ZNF469: variants seen among roughly 807,000 people sequenced by gnomAD.
ZNF469 encodes zinc finger protein 469.
ZNF469 carries 1 observed loss-of-function variant against 1.0 expected under a neutral mutation model. That is an observed-to-expected ratio of 1.00 (90% CI 0.35 to 4.73). The LOEUF (loss-of-function observed/expected upper bound fraction) is 4.73, where lower values mean the gene tolerates loss of function less well. Among genes scored for constraint, ZNF469 ranks in the 30% most tolerant of loss-of-function variants. The probability of loss-of-function intolerance (pLI) is 0.16; values close to 1 mark genes in which losing one functional copy is unlikely to be tolerated. For synonymous variants in ZNF469, 2,703 were observed against 2,363.4 expected (o/e 1.14, Z -4.17); for missense variants, 6,100 against 5,356.3 (o/e 1.14, Z -4.33).
chr16:88,426,061 G>A (rs1227479104), intron 2 of ZNF469, among the ~76,000 whole-genome samples: 1 of 152,240 alleles, frequency 6.6e-6, no homozygotes, highest in East Asian at 1.9e-4. Flanking sequence ...TCCCCAGGCG[G>A]CTGTAGTGCG....
chr16:88,270,004 T>A, the ZNF469 span, among the ~76,000 whole-genome samples: 6 of 152,170 alleles, frequency 3.9e-5, no homozygotes, highest in African/African-American at 1.4e-4. Flanking sequence ...GCGTCCTGCA[T>A]TTCTAGGTGG....
chr16:88,308,224 C>T, the ZNF469 span, among the ~76,000 whole-genome samples: 1 of 152,202 alleles, frequency 6.6e-6, no homozygotes, highest in Non-Finnish European at 1.5e-5. Context: ...CAGCTCTTGA[C>T]TTCTGTGCTT....
chr16:88,321,820 C>T, the ZNF469 span, among the ~76,000 whole-genome samples: 5 of 152,244 alleles, frequency 3.3e-5, no homozygotes, highest in South Asian at 2.1e-4. Flanking sequence ...ATGCAGCCAC[C>T]GCCATCCGGA....
the ZNF469 span, among the ~76,000 whole-genome samples, chr16:88,259,535 C>T: frequency 1.1e-4 from 17 of 152,346 alleles, 4 homozygotes; most frequent in African/African-American, 3.4e-4. This position sits in a 1 kb window ranked among gnomAD's most constrained non-coding sequence, Gnocchi z 4.1. Flanking sequence ...TCTGGGAACT[C>T]TCCAGGGCCA....
chr16:88,433,687 G>T lies in ZNF469; in HGVS notation c.6217G>T (p.Ala2073Ser). Residue 2073 changes from alanine to serine, a missense_variant, in exon 3 of 3, where the codon GCC becomes TCC. Transcript: ENST00000565624. ...GTCCCTGGCGCTGGCCTTGACAGCA[G>T]CCCACAGCCGAAGTGGATCTGAGGG... ...RESLALALTA[A>S]HSRSGSEGRT... is the part of the protein sequence containing the mutation. 1.3e-6 allele frequency: 2 copies of T among 1,549,556 alleles called. No individual in the cohort carries two copies. The highest frequency in any genetic ancestry group is 1.7e-6 in the Non-Finnish European group (2 of 1,146,696).
At chr16:88,149,008 G>A in the ZNF469 span, among the ~76,000 whole-genome samples, 1 of 152,304 alleles carries the variant, frequency 6.6e-6, no homozygotes, top group Non-Finnish European at 1.5e-5. Flanking sequence ...GTGAGGTCAG[G>A]CCCTTCTGGC....
chr16:88,114,216 T>C, the ZNF469 span, among the ~76,000 whole-genome samples: 1 of 145,066 alleles, frequency 6.9e-6, no homozygotes, highest in African/African-American at 2.6e-5. Context: ...ACTGCGGGGG[T>C]CTCCGGGGAG....
rs1234516362 is a variant in ZNF469, at chr16:88,438,689, C to G, written c.11219C>G (p.Pro3740Arg). ...PSSQGSGSPR[P>R]GTKTGGGSQP... is the part of the protein sequence containing the mutation. ...TCCCAGGGCAGTGGAAGCCCTCGCC[C>G]CGGCACCAAGACAGGAGGTGGCAGC... Residue 3740 changes from proline (P) to arginine (R), a missense_variant, in exon 3 of 3, where the codon CCC (proline) becomes CGC (arginine). Physicochemically the swap from Pro to Arg is moderately radical, Grantham distance 103 (BLOSUM62 -2). Transcript: ENST00000565624. 2 of 1,550,056 alleles carry G rather than the reference C, an allele frequency of 1.3e-6. No individual in the cohort carries two copies. The highest frequency in any genetic ancestry group is 2.4e-5 in the South Asian group (2 of 84,048).
chr16:88,211,223 G>A, the ZNF469 span, among the ~76,000 whole-genome samples: 5 of 152,336 alleles, frequency 3.3e-5, no homozygotes, highest in East Asian at 7.7e-4. Context: ...TGATGTACAC[G>A]GAGGGTATTG....
chr16:88,218,690 C>G, the ZNF469 span, among the ~76,000 whole-genome samples: 6 of 151,238 alleles, frequency 4.0e-5, no homozygotes, highest in South Asian at 1.0e-3. Context: ...TGGAAGCATT[C>G]CCTTTGAAAA....
the ZNF469 span, among the ~76,000 whole-genome samples, chr16:88,287,326 G>C: frequency 6.6e-6 from 1 of 152,208 alleles, no homozygotes; most frequent in African/African-American, 2.4e-5. Flanking sequence ...AGCATCACAA[G>C]TCTCCTGATG....
At chr16:88,151,427 G>A in the ZNF469 span, among the ~76,000 whole-genome samples, 34,470 of 152,164 alleles carry the variant, frequency 0.23, 4,556 homozygotes, top group East Asian at 0.52. The surrounding 1 kb of genome is among the most constrained non-coding windows in gnomAD (Gnocchi z 5.4). Flanking sequence ...ATGGAACGGC[G>A]GGACAGAAAT....
At chr16:88,142,980 G>A in the ZNF469 span, among the ~76,000 whole-genome samples, 15 of 152,180 alleles carry the variant, frequency 9.9e-5, no homozygotes, top group African/African-American at 3.6e-4. Flanking sequence ...AAGACAAGCA[G>A]AGGTCTCAGT....
chr16:88,193,027 ATGGTGGTGATGG>A, the ZNF469 span, among the ~76,000 whole-genome samples: 2 of 65,268 alleles, frequency 3.1e-5, no homozygotes, highest in South Asian at 1.1e-3. Flanking sequence ...GGTGGTGGTG[ATGGTGGTGATGG>A]TGGTGGTGAT....
chr16:88,182,743 T>G, the ZNF469 span, among the ~76,000 whole-genome samples: 4 of 150,974 alleles, frequency 2.6e-5, no homozygotes, highest in African/African-American at 4.9e-5. Context: ...ATACAAAATC[T>G]AAATCACAAT....
At chr16:88,342,258 G>A in the ZNF469 span, among the ~76,000 whole-genome samples, 1 of 152,142 alleles carries the variant, frequency 6.6e-6, no homozygotes, top group African/African-American at 2.4e-5. Context: ...GGAGCTCAGT[G>A]TGGGGGTCCA....
chr16:88,199,313 G>T, the ZNF469 span, among the ~76,000 whole-genome samples: 67 of 152,354 alleles, frequency 4.4e-4, no homozygotes, highest in Non-Finnish European at 1.0e-4. Flanking sequence ...CATCAGAGAG[G>T]TGACTTTCAG....
the ZNF469 span, among the ~76,000 whole-genome samples, chr16:88,164,941 TG>T: frequency 6.6e-6 from 1 of 152,084 alleles, no homozygotes; most frequent in African/African-American, 2.4e-5. Context: ...AGGCAGTAGG[TG>T]GTGTGCCCCG....
chr16:88,114,907 C>G, the ZNF469 span, among the ~76,000 whole-genome samples: 1 of 152,216 alleles, frequency 6.6e-6, no homozygotes, highest in African/African-American at 2.4e-5. Context: ...CAGGCCAGGG[C>G]GAAAATGTCT....
Sources: allele counts gnomAD v4.1 joint callset (sites outside exome capture counted in the v4.1 genomes callset), GRCh38; gene constraint gnomAD v4.1.1; non-coding constraint Gnocchi (gnomAD v3.1); transcripts MANE v1.5; gene names NCBI Gene and HGNC (gene_info 2026-07-23, HGNC 2026-07-21).